Variants in TACC2 observed in about 807,000 individuals in gnomAD.
The protein encoded by TACC2 is transforming acidic coiled-coil containing protein 2.
Under a neutral mutation model 227.3 loss-of-function variants are expected in TACC2, and 137 were observed. The ratio of observed to expected loss-of-function variants is 0.60; its 90% CI spans 0.52 to 0.69. TACC2 has a LOEUF of 0.69. TACC2 is among the 30% of genes least tolerant of loss of function. The pLI, the probability that TACC2 is intolerant of heterozygous loss-of-function variation, is 0.00. For synonymous variants in TACC2, 1,523 were observed against 1,487.5 expected (o/e 1.02, Z -0.55); for missense variants, 3,470 against 3,694.4 (o/e 0.94, Z 1.57).
intron 8 of TACC2, among the ~76,000 whole-genome samples, chr10:122,195,788 C>T (rs2094547949): frequency 6.6e-6 from 1 of 152,220 alleles, no homozygotes; most frequent in Admixed American, 6.5e-5. Context: ...CTCCCAGTTA[C>T]ACCAGCACAG....
chr10:122,219,759 C>T (rs546799286), intron 11 of TACC2, among the ~76,000 whole-genome samples: 34 of 152,020 alleles, frequency 2.2e-4, no homozygotes, highest in Non-Finnish European at 3.8e-4. Flanking sequence ...AGGTTGGGGC[C>T]GGGCGTGGTG....
At position 122,043,459 on chromosome 10, in the gene TACC2, CTCTTTCTTTCTTTCTT is replaced by C. The variant is rs57557713; in HGVS notation, c.34-6977_34-6962del. Among the ~76,000 whole-genome samples the C allele has an allele frequency of 5.1e-4, 75 of 148,438 alleles. 2 individuals are homozygous for C. Among genetic ancestry groups the C allele is most frequent in the African/African-American group, 1.8e-3 (72 of 39,392 alleles). ...ATTAGATTTCTTTCTTTCTTTCTTT[CTCTTTCTTTCTTTCTT>C]TTTCTCTTTCTTTTTCTTTCTTTCT... On this transcript the variant is annotated intron_variant, in intron 2 of 22. Transcript: ENST00000369005.
In TACC2 at chr10:122,004,841, G is replaced by T. The variant is rs1954863351; in HGVS notation, c.-46+15353G>T. On this transcript the variant is annotated intron_variant, in intron 1 of 22. Transcript: ENST00000369005. ...TCTAGGTAGCAGGCAGGAAGAACAT[G>T]TTGGGCACTTACAATTATTATTATT... Among the ~76,000 whole-genome samples, 3 of 152,178 alleles carry T rather than the reference G, an allele frequency of 2.0e-5. No individual in the cohort carries two copies. In the South Asian group the frequency reaches 6.2e-4, roughly 32 times the overall value.
chr10:122,210,305 C>T lies in TACC2; in HGVS notation c.5972-92C>T, dbSNP rs79645951. The T allele has an allele frequency of 5.9e-4, 617 of 1,050,818 alleles. 3 individuals carry two copies. The African/African-American group carries it at 8.7e-3, about 15-fold the overall frequency. 65.1% of individuals were successfully genotyped at this position (1,050,818 alleles called of 1,614,324 possible). ...GGCCTGGGGCCGTGGTTTGTCAACC[C>T]CTACGCTGGAGGGTGATGTTTTGGT... is the stretch of plus-strand genomic sequence containing the variant. On this transcript the variant is annotated intron_variant, in intron 8 of 22. Coordinates refer to ENST00000369005, the MANE Select transcript of TACC2 (RefSeq NM_206862.4). This position sits in a 1 kb window ranked among gnomAD's most constrained non-coding sequence, Gnocchi z 4.6.
At chr10:122,041,443 T>TTTTC (rs2074252415) in intron 2 of TACC2, among the ~76,000 whole-genome samples, 1 of 148,686 alleles carries the variant, frequency 6.7e-6, no homozygotes, top group South Asian at 2.1e-4. Flanking sequence ...TTTCCTTTCT[T>TTTTC]TTTTTTTTTT....
At chr10:122,092,788 A>G (rs908740809) in intron 5 of TACC2, among the ~76,000 whole-genome samples, 6 of 152,192 alleles carry the variant, frequency 3.9e-5, no homozygotes, top group Non-Finnish European at 7.3e-5. Context: ...ATGCATAGAA[A>G]TGTATAGAAT....
At chr10:122,121,025 G>A (rs978087625) in intron 5 of TACC2, among the ~76,000 whole-genome samples, 5 of 152,120 alleles carry the variant, frequency 3.3e-5, no homozygotes, top group African/African-American at 1.2e-4. Flanking sequence ...CTCCCAAAGT[G>A]CTGGGATTAC....
intron 12 of TACC2, 75 bp from the exon 13 acceptor site, chr10:122,226,291 G>A: frequency 1.1e-6 from 1 of 944,224 alleles, no homozygotes; most frequent in Non-Finnish European, 1.7e-6. Context: ...CTGTTGAAGA[G>A]TGCTCCAGTT....
At chr10:121,994,260 G>A (rs1953175343) in intron 1 of TACC2, among the ~76,000 whole-genome samples, 1 of 152,196 alleles carries the variant, frequency 6.6e-6, no homozygotes. Context: ...TTTACTAGAA[G>A]CACTGCTAAT....
intron 5 of TACC2, among the ~76,000 whole-genome samples, chr10:122,115,003 C>A (rs1164034062): frequency 1.3e-5 from 2 of 152,238 alleles, no homozygotes; most frequent in African/African-American, 2.4e-5. Context: ...AGGGTCTTGG[C>A]CAGGGCCACA....
Position 122,153,475 on chromosome 10 carries a change from C to T in TACC2, c.5834+9769C>T, listed in dbSNP as rs1592673741. Among the ~76,000 whole-genome samples, 3 of 152,182 alleles carry T rather than the reference C, an allele frequency of 2.0e-5. No homozygotes were observed. The East Asian group carries it at 5.8e-4, about 29-fold the overall frequency. On this transcript the variant is annotated intron_variant, in intron 7 of 22. Coordinates refer to ENST00000369005, the MANE Select transcript of TACC2 (RefSeq NM_206862.4). ...TTGGGTCATCTCATATCTGTGGACTCCTCCAGGAAGCCTTCCAGCTTCTAA... is the reference window on the plus strand; with the variant it reads ...TTGGGTCATCTCATATCTGTGGACTTCTCCAGGAAGCCTTCCAGCTTCTAA...
At chr10:122,048,609 C>T (rs1277411488) in intron 2 of TACC2, among the ~76,000 whole-genome samples, 2 of 152,186 alleles carry the variant, frequency 1.3e-5, no homozygotes, top group Middle Eastern at 3.4e-3. Flanking sequence ...CTTCCCACCT[C>T]GCCTTCCCAA....
chr10:122,042,030 C>G (rs978352940), intron 2 of TACC2, among the ~76,000 whole-genome samples: 6 of 152,200 alleles, frequency 3.9e-5, no homozygotes, highest in Non-Finnish European at 8.8e-5. Context: ...ACTGCAAGCT[C>G]CACCTCCCAG....
intron 7 of TACC2, among the ~76,000 whole-genome samples, chr10:122,186,879 G>A (rs2094213975): frequency 6.6e-6 from 1 of 152,222 alleles, no homozygotes; most frequent in Non-Finnish European, 1.5e-5. Context: ...ATTTTGGGGA[G>A]ATCTGTGTGC....
chr10:122,087,473 G>T lies in TACC2; in HGVS notation c.4973G>T (p.Gly1658Val). Residue 1658 changes from glycine to valine, a missense_variant, in exon 4 of 23, where the codon GGT (glycine) becomes GTT (valine). Physicochemically the swap from Gly to Val is moderately radical, Grantham distance 109. Transcript: ENST00000369005. The part of the protein sequence containing the change: ...SEPWTLDTLG[G>V]ERRPGVTAGI... The stretch of plus-strand genomic sequence containing the variant: ...CCCTGGACCCTTGACACGCTTGGGG[G>T]TGAAAGGAGACCCGGAGTCACTGCT... 6.2e-7 allele frequency: 1 copy of T among 1,614,044 alleles called. No homozygotes were observed. The highest frequency in any genetic ancestry group is 2.2e-5 in the East Asian group (1 of 44,878).
At chr10:122,136,932 C>G (rs1044227289) in intron 6 of TACC2, among the ~76,000 whole-genome samples, 2 of 152,064 alleles carry the variant, frequency 1.3e-5, no homozygotes, top group African/African-American at 4.8e-5. Flanking sequence ...GAGAGAAAAA[C>G]AGAGAGCAAG....
chr10:122,017,868 T>C (rs1312825525), intron 1 of TACC2, among the ~76,000 whole-genome samples: 1 of 134,908 alleles, frequency 7.4e-6, no homozygotes, highest in African/African-American at 2.8e-5. Flanking sequence ...AAAAGAAAAA[T>C]TCTTCTGTGG....
intron 16 of TACC2, among the ~76,000 whole-genome samples, chr10:122,232,862 A>G (rs1290550310): frequency 6.6e-6 from 1 of 152,202 alleles, no homozygotes. Flanking sequence ...TTCTGGCCAT[A>G]TATTTCAGCG....
chr10:122,192,159 G>A (rs1410690629), intron 7 of TACC2, among the ~76,000 whole-genome samples: 1 of 152,192 alleles, frequency 6.6e-6, no homozygotes, highest in African/African-American at 2.4e-5. Flanking sequence ...TGCCATTCTC[G>A]TGGTCTGTGG....
Sources: allele counts gnomAD v4.1 joint callset (sites outside exome capture counted in the v4.1 genomes callset), GRCh38; gene constraint gnomAD v4.1.1; non-coding constraint Gnocchi (gnomAD v3.1); transcripts MANE v1.5; gene names NCBI Gene and HGNC (gene_info 2026-07-23, HGNC 2026-07-21).